Variants in VPS13B observed in about 807,000 individuals in gnomAD.
VPS13B encodes the protein vacuolar protein sorting 13 homolog B, also known as intermembrane lipid transfer protein VPS13B.
In VPS13B, 285 loss-of-function variants were observed where a neutral mutation model predicts 426.4. The ratio of observed to expected loss-of-function variants is 0.67; its 90% CI spans 0.61 to 0.74. The LOEUF (loss-of-function observed/expected upper bound fraction) is 0.74, where lower values mean the gene tolerates loss of function less well. Ranked by LOEUF, VPS13B falls within the 30% of genes least tolerant of loss-of-function variation. The pLI is 0.00. For synonymous variants in VPS13B, 1,676 were observed against 1,676.4 expected (o/e 1.00, Z 0.01); for missense variants, 4,537 against 4,782.6 (o/e 0.95, Z 1.51).
At chr8:99,586,426 A>G (rs1826302567) in intron 33 of VPS13B, among the ~76,000 whole-genome samples, 1 of 152,178 alleles carries the variant, frequency 6.6e-6, no homozygotes, top group Non-Finnish European at 1.5e-5. Context: ...CCAATCATTT[A>G]TAGAAGAGGA....
chr8:99,116,201 ATTT>A (rs5893479), intron 7 of VPS13B, among the ~76,000 whole-genome samples: 1 of 146,150 alleles, frequency 6.8e-6, no homozygotes, highest in Non-Finnish European at 1.5e-5. Flanking sequence ...GTAATTTTGT[ATTT>A]TTTTTTTTTA....
At chr8:99,051,448 T>G (rs934069894) in intron 3 of VPS13B, among the ~76,000 whole-genome samples, 3 of 151,714 alleles carry the variant, frequency 2.0e-5, no homozygotes, top group Non-Finnish European at 4.4e-5. Context: ...TAGTATAGTT[T>G]GAAGTCAGGT....
chr8:99,807,587 T>G (rs745670800), intron 43 of VPS13B, among the ~76,000 whole-genome samples: 11 of 152,140 alleles, frequency 7.2e-5, no homozygotes, highest in African/African-American at 1.2e-4. Context: ...TTACTAACAT[T>G]TAAACATCAA....
intron 25 of VPS13B, among the ~76,000 whole-genome samples, chr8:99,490,124 T>C (rs1039151967): frequency 6.6e-6 from 1 of 152,218 alleles, no homozygotes; most frequent in Non-Finnish European, 1.5e-5. Context: ...CTGTTGAATT[T>C]TGTTGAAGGC....
At chr8:99,599,613 A>C (rs1827190479) in intron 33 of VPS13B, among the ~76,000 whole-genome samples, 1 of 152,134 alleles carries the variant, frequency 6.6e-6, no homozygotes, top group Non-Finnish European at 1.5e-5. Flanking sequence ...ACATAAAGGA[A>C]TAGACTTTTA....
intron 25 of VPS13B, among the ~76,000 whole-genome samples, chr8:99,494,115 T>G (rs1820769300): frequency 1.3e-5 from 2 of 152,158 alleles, no homozygotes; most frequent in African/African-American, 4.8e-5. Context: ...TATATTACTA[T>G]AAGTTTTTTG....
At chr8:99,476,353 G>A (rs1007322211) in intron 24 of VPS13B, among the ~76,000 whole-genome samples, 2 of 151,682 alleles carry the variant, frequency 1.3e-5, no homozygotes, top group African/African-American at 4.8e-5. Context: ...GATTGCTTTA[G>A]CTTATGCTTC....
chr8:99,242,853 T>G (rs1817008571), intron 17 of VPS13B, among the ~76,000 whole-genome samples: 2 of 152,218 alleles, frequency 1.3e-5, no homozygotes, highest in Non-Finnish European at 2.9e-5. Flanking sequence ...AATAGTGTTT[T>G]AATAGGCATG....
chr8:99,866,530 G>C (rs1354955042), intron 58 of VPS13B, among the ~76,000 whole-genome samples: 1 of 152,206 alleles, frequency 6.6e-6, no homozygotes, highest in East Asian at 1.9e-4. Context: ...TCCACTTTTG[G>C]GGGGCTGCCC....
Position 99,507,809 on chromosome 8 carries a change from T to C in VPS13B, c.4224+606T>C, listed in dbSNP as rs149796549. 4,029 of 1,613,908 alleles carry C rather than the reference T, an allele frequency of 2.5e-3. 147 individuals are homozygous for C. In the Admixed American group the frequency reaches 0.063, roughly 25 times the overall value. ...GTTGGTCTTTGGGGCAATGTGGAGG[T>C]GTCTTCCTTTCCTGTACTGACAAGC... On this transcript the variant is annotated intron_variant, in intron 28 of 61. Transcript: ENST00000357162.
chr8:99,815,684 T>C (rs1421045415), intron 44 of VPS13B, among the ~76,000 whole-genome samples: 1 of 152,066 alleles, frequency 6.6e-6, no homozygotes, highest in Non-Finnish European at 1.5e-5. Flanking sequence ...TCTGGAAAAA[T>C]ATTACAAATA....
intron 19 of VPS13B, among the ~76,000 whole-genome samples, chr8:99,319,281 G>A (rs550363601): frequency 6.6e-6 from 1 of 152,310 alleles, no homozygotes; most frequent in East Asian, 1.9e-4. Flanking sequence ...ATAGCCGTGA[G>A]TGATGTGATT....
intron 3 of VPS13B, among the ~76,000 whole-genome samples, chr8:99,081,601 A>ACCCCACAACAGGCCCCCC (rs1845464294): frequency 2.0e-5 from 1 of 50,782 alleles, no homozygotes; most frequent in African/African-American, 7.9e-5. Context: ...ACAGGCCCCC[A>ACCCCACAACAGGCCCCCC]CCCCACAACA....
chr8:99,120,875 G>T (rs1295243721), intron 7 of VPS13B, among the ~76,000 whole-genome samples: 1 of 152,118 alleles, frequency 6.6e-6, no homozygotes, highest in Admixed American at 6.5e-5. Context: ...CATGAGCGAT[G>T]TTAAAGAATT....
chr8:99,696,968 C>A, intron 35 of VPS13B: 1 of 641,398 alleles, frequency 1.6e-6, no homozygotes, highest in South Asian at 1.6e-5. Flanking sequence ...ACCTGAACGT[C>A]AAGGGGCTGC....
intron 30 of VPS13B, among the ~76,000 whole-genome samples, chr8:99,552,728 T>C (rs1824348028): frequency 6.6e-6 from 1 of 152,120 alleles, no homozygotes; most frequent in South Asian, 2.1e-4. Flanking sequence ...AAAAAATATT[T>C]GGAGAAGTCC....
At chr8:99,063,762 C>A (rs1245555882) in intron 3 of VPS13B, among the ~76,000 whole-genome samples, 2 of 152,218 alleles carry the variant, frequency 1.3e-5, no homozygotes, top group Non-Finnish European at 2.9e-5. Flanking sequence ...AGACAGACTG[C>A]CTCCTCAAGT....
At chr8:99,771,550 A>G (rs1043604785) in intron 40 of VPS13B, among the ~76,000 whole-genome samples, 2 of 152,218 alleles carry the variant, frequency 1.3e-5, no homozygotes, top group Non-Finnish European at 2.9e-5. Context: ...CAGCCTGTGT[A>G]TATATGAGTG....
In VPS13B at chr8:99,540,009, TAAATTATA is replaced by T. The variant is rs1486257313; in HGVS notation, c.4746-16440_4746-16433del. 3.3e-4 allele frequency among the ~76,000 whole-genome samples: 29 copies of T among 86,658 alleles called. 1 individual carries two copies. The highest frequency in any genetic ancestry group is 1.3e-3 in the African/African-American group (28 of 21,870). The allele number at this position is 86,658 out of a possible 152,430, so 56.9% of individuals were successfully genotyped here. A position where few individuals can be genotyped will look rare whatever the true frequency, so the allele number is the denominator to read the frequency against. ...TAAATGAGTTATATAAATATATAAA[TAAATTATA>T]TATATATATATATATATATATATAT... is the stretch of plus-strand genomic sequence containing the variant. On this transcript the variant is annotated intron_variant, in intron 30 of 61. Transcript: ENST00000357162.
Sources: allele counts gnomAD v4.1 joint callset (sites outside exome capture counted in the v4.1 genomes callset), GRCh38; gene constraint gnomAD v4.1.1; transcripts MANE v1.5; gene names NCBI Gene and HGNC (gene_info 2026-07-23, HGNC 2026-07-21).